Variants in UNC13C observed in about 807,000 individuals in gnomAD.
UNC13C encodes the protein unc-13 homolog C, also known as protein unc-13 homolog C.
In UNC13C, 174 loss-of-function variants were observed where a neutral mutation model predicts 245.4. The observed-to-expected ratio is 0.71, with a 90% CI of 0.63 to 0.80. The LOEUF (loss-of-function observed/expected upper bound fraction) is 0.80. UNC13C is among the 30% of genes least tolerant of loss of function. The pLI, the probability that UNC13C is intolerant of heterozygous loss-of-function variation, is 0.00. For synonymous variants in UNC13C, 992 were observed against 895.1 expected (o/e 1.11, Z -1.93); for missense variants, 2,829 against 2,602.9 (o/e 1.09, Z -1.89).
intron 2 of UNC13C, among the ~76,000 whole-genome samples, chr15:54,062,076 T>G (rs1897866243): frequency 6.6e-6 from 1 of 152,038 alleles, no homozygotes. Flanking sequence ...TCCCAGCAGT[T>G]TGGGAGGCCT....
chr15:53,917,310 CAT>C, the UNC13C span, among the ~76,000 whole-genome samples: 1 of 152,156 alleles, frequency 6.6e-6, no homozygotes, highest in African/African-American at 2.4e-5. Flanking sequence ...TAGCTAGTCT[CAT>C]AGTATCAAAC....
intron 26 of UNC13C, among the ~76,000 whole-genome samples, chr15:54,538,165 C>CAAAAAAAAAAAAAAAAA (rs1896079013): frequency 1.7e-5 from 1 of 60,114 alleles, no homozygotes; most frequent in South Asian, 5.8e-4. Context: ...AAAAAAAAAA[C>CAAAAAAAAAAAAAAAAA]CCATTAAAAA....
the UNC13C span, among the ~76,000 whole-genome samples, chr15:53,931,737 G>A: frequency 6.6e-6 from 1 of 152,106 alleles, no homozygotes; most frequent in Non-Finnish European, 1.5e-5. Context: ...TTAAAAAGGG[G>A]TGAAATCAAT....
chr15:53,919,383 G>A, the UNC13C span, among the ~76,000 whole-genome samples: 1 of 152,318 alleles, frequency 6.6e-6, no homozygotes, highest in East Asian at 1.9e-4. Flanking sequence ...AGGTGACCAT[G>A]TGTGCCTCAG....
At chr15:54,203,755 C>A (rs987189142) in intron 4 of UNC13C, among the ~76,000 whole-genome samples, 8 of 99,770 alleles carry the variant, frequency 8.0e-5, no homozygotes, top group African/African-American at 2.4e-4. Flanking sequence ...TGTATATATA[C>A]ACATATATAT....
At chr15:54,227,846 T>C (rs2035436169) in intron 4 of UNC13C, among the ~76,000 whole-genome samples, 1 of 152,192 alleles carries the variant, frequency 6.6e-6, no homozygotes, top group South Asian at 2.1e-4. Context: ...TGTCAACCAC[T>C]GACTGGCTAC....
intron 8 of UNC13C, among the ~76,000 whole-genome samples, chr15:54,253,764 A>G (rs1335485807): frequency 6.6e-6 from 1 of 152,238 alleles, no homozygotes; most frequent in Non-Finnish European, 1.5e-5. Context: ...GGTTGTGTGC[A>G]GAGTGAGTCA....
intron 26 of UNC13C, among the ~76,000 whole-genome samples, chr15:54,538,435 G>A (rs939055617): frequency 6.6e-6 from 1 of 152,036 alleles, no homozygotes; most frequent in African/African-American, 2.4e-5. Flanking sequence ...AAAACAGCTT[G>A]GAGAGTTCTC....
At chr15:54,173,035 G>A (rs113540143) in intron 4 of UNC13C, among the ~76,000 whole-genome samples, 4 of 151,746 alleles carry the variant, frequency 2.6e-5, no homozygotes, top group African/African-American at 9.7e-5. Flanking sequence ...TTGAGAATGA[G>A]CTGACCTAAT....
intron 7 of UNC13C, among the ~76,000 whole-genome samples, chr15:54,248,560 CT>C (rs2036058392): frequency 1.9e-5 from 1 of 52,478 alleles, no homozygotes; most frequent in Non-Finnish European, 3.1e-5. Flanking sequence ...AGGAGATTTA[CT>C]TGCTTCAGAC....
At chr15:54,049,165 G>T in intron 2 of UNC13C, 1 of 421,170 alleles carries the variant, frequency 2.4e-6, no homozygotes, top group Non-Finnish European at 4.7e-6. Context: ...TCATCTAATA[G>T]TTTTCCAGTT....
In UNC13C at chr15:54,175,508, A is replaced by ATTTTTTTTTTTTTTTTTTTTT. The variant is rs55925649; in HGVS notation, c.3071+31826_3071+31846dup. Among the ~76,000 whole-genome samples the ATTTTTTTTTTTTTTTTTTTTT allele has an allele frequency of 4.1e-4, 43 of 105,984 alleles. 2 individuals carry two copies. The East Asian group carries it at 5.2e-3, about 13-fold the overall frequency. The allele number at this position is 105,984 out of a possible 152,430, so 69.5% of individuals were successfully genotyped here. ...AAAACACTGTTGTTGTGGCCCTAGA[A>ATTTTTTTTTTTTTTTTTTTTT]TTTTTTTTTTTTTTTTTTTTTTGAG... is the stretch of plus-strand genomic sequence containing the variant. On this transcript the variant is annotated intron_variant, in intron 4 of 32. Transcript: ENST00000260323.
At chr15:53,873,939 C>A in the UNC13C span, among the ~76,000 whole-genome samples, 16 of 138,358 alleles carry the variant, frequency 1.2e-4, 1 homozygote, top group Admixed American at 1.2e-3. Context: ...TTCCTTCCTT[C>A]CTTCCTTCCT....
chr15:54,421,515 C>T (rs2040643282), intron 19 of UNC13C, among the ~76,000 whole-genome samples: 2 of 152,136 alleles, frequency 1.3e-5, no homozygotes, highest in South Asian at 2.1e-4. Context: ...AATGCAAATT[C>T]TTGGGCCCCA....
the UNC13C span, among the ~76,000 whole-genome samples, chr15:53,850,530 T>A: frequency 6.6e-6 from 1 of 152,216 alleles, no homozygotes; most frequent in African/African-American, 2.4e-5. Flanking sequence ...TTTCAAAATG[T>A]ATATTTCTGA....
chr15:53,844,271 A>G, the UNC13C span, among the ~76,000 whole-genome samples: 1 of 152,230 alleles, frequency 6.6e-6, no homozygotes, highest in Non-Finnish European at 1.5e-5. Flanking sequence ...AGGCAAGGTT[A>G]TCTATGAGAT....
chr15:53,931,640 C>T, the UNC13C span, among the ~76,000 whole-genome samples: 1 of 152,014 alleles, frequency 6.6e-6, no homozygotes. Context: ...GCTTATATGC[C>T]TAGTCTAAGC....
At chr15:54,444,223 C>T (rs1890681157) in intron 19 of UNC13C, among the ~76,000 whole-genome samples, 1 of 151,434 alleles carries the variant, frequency 6.6e-6, no homozygotes, top group Non-Finnish European at 1.5e-5. Flanking sequence ...TTCTCCTGCT[C>T]AATTTCGGTT....
the UNC13C span, among the ~76,000 whole-genome samples, chr15:53,965,396 A>G: frequency 2.6e-5 from 4 of 152,050 alleles, no homozygotes; most frequent in Admixed American, 2.6e-4. Context: ...TATATTCACA[A>G]TGATTCTCTA....
Sources: allele counts gnomAD v4.1 joint callset (sites outside exome capture counted in the v4.1 genomes callset), GRCh38; gene constraint gnomAD v4.1.1; transcripts MANE v1.5; gene names NCBI Gene and HGNC (gene_info 2026-07-23, HGNC 2026-07-21).